The following FSIP1 variants were observed in gnomAD, a reference collection of about 807,000 sequenced individuals.
The protein encoded by FSIP1 is fibrous sheath-interacting protein 1.
Under a neutral mutation model 60.9 loss-of-function variants are expected in FSIP1, and 65 were observed. That is an observed-to-expected ratio of 1.07 (90% confidence interval 0.87 to 1.31). The LOEUF is 1.31. FSIP1 is among the 40% of genes most tolerant of loss of function. FSIP1 has a pLI of 0.00. For synonymous variants in FSIP1, 209 were observed against 221.2 expected, an observed-to-expected ratio of 0.94 and a Z score of 0.49; for missense variants, 675 against 665.5, an observed-to-expected ratio of 1.01 and a Z score of -0.16.
Position 39,737,027 on chromosome 15 carries a change from G to T in FSIP1, c.891+1064C>A, listed in dbSNP as rs143241893. 6.0e-3 allele frequency among the ~76,000 whole-genome samples: 920 copies of T among 152,272 alleles called. 13 individuals are homozygous for T. The highest frequency in any genetic ancestry group is 0.021 in the African/African-American group (877 of 41,534). ...GCGTGGATGCACAGACCAGTTTCAG[G>T]GAAAGGGGATATGGGCAGGGGGCCA... On this transcript the variant is annotated intron_variant, in intron 8 of 11. Coordinates refer to ENST00000350221, the MANE Select transcript of FSIP1 (RefSeq NM_152597.5).
chr15:39,602,296 T>C (rs1043483836), intron 11 of FSIP1: 2 of 455,930 alleles, frequency 4.4e-6, no homozygotes, highest in Non-Finnish European at 8.8e-6. Context: ...GGAATGCCCA[T>C]AGCCAGGAGA....
At chr15:39,713,745 G>T (rs973047706) in intron 9 of FSIP1, among the ~76,000 whole-genome samples, 164 bp from the exon 10 acceptor site, 1 of 152,112 alleles carries the variant, frequency 6.6e-6, no homozygotes, top group African/African-American at 2.4e-5. Flanking sequence ...CATTTTAGGA[G>T]GTAAATGTCC....
chr15:39,753,155 T>C (rs1033146273), intron 5 of FSIP1, among the ~76,000 whole-genome samples: 4 of 152,040 alleles, frequency 2.6e-5, no homozygotes, highest in South Asian at 2.1e-4. Context: ...TGAAATAGAA[T>C]AGCAAATATG....
At chr15:39,778,510 G>T (rs113062652) in intron 1 of FSIP1, among the ~76,000 whole-genome samples, 38 of 152,204 alleles carry the variant, frequency 2.5e-4, no homozygotes, top group Admixed American at 1.0e-3. Flanking sequence ...AAAAGGTATT[G>T]GTAAAGGGTA....
chr15:39,766,320 G>C (rs1000362953), intron 3 of FSIP1, among the ~76,000 whole-genome samples: 1 of 152,144 alleles, frequency 6.6e-6, no homozygotes, highest in African/African-American at 2.4e-5. Flanking sequence ...AAGTACAATT[G>C]ATAGTCACTT....
At chr15:39,699,142 G>A (rs991839969) in intron 10 of FSIP1, among the ~76,000 whole-genome samples, 15 of 152,144 alleles carry the variant, frequency 9.9e-5, no homozygotes, top group African/African-American at 2.4e-4. Context: ...GGAGACTTCT[G>A]CTTTTATCTG....
chr15:39,769,051 G>A (rs374852491), intron 3 of FSIP1, among the ~76,000 whole-genome samples: 30 of 152,158 alleles, frequency 2.0e-4, no homozygotes, highest in South Asian at 8.3e-4. Flanking sequence ...AGGCCGAGGC[G>A]GGCAGATCAC....
At chr15:39,646,944 T>TG (rs1892641081) in intron 10 of FSIP1, among the ~76,000 whole-genome samples, 2 of 152,196 alleles carry the variant, frequency 1.3e-5, no homozygotes, top group Non-Finnish European at 2.9e-5. Context: ...GATGACATTA[T>TG]GCTAAGTGAA....
chr15:39,692,901 C>T (rs1894661347), intron 10 of FSIP1, among the ~76,000 whole-genome samples: 3 of 152,214 alleles, frequency 2.0e-5, no homozygotes, highest in Admixed American at 6.5e-5. Context: ...CGTCAGCCCA[C>T]GCTACGCCTG....
chr15:39,662,061 A>T (rs547834736), intron 10 of FSIP1, among the ~76,000 whole-genome samples: 1 of 152,304 alleles, frequency 6.6e-6, no homozygotes, highest in South Asian at 2.1e-4. Context: ...GCAGGGCAGT[A>T]TCTAGTTTTC....
At chr15:39,641,233 G>GT (rs1421350151) in intron 10 of FSIP1, among the ~76,000 whole-genome samples, 4 of 151,906 alleles carry the variant, frequency 2.6e-5, no homozygotes, top group African/African-American at 9.7e-5. Context: ...AAAAAAAAAT[G>GT]TTTTTTTAAT....
At chr15:39,694,415 T>C (rs889858382) in intron 10 of FSIP1, among the ~76,000 whole-genome samples, 1 of 152,216 alleles carries the variant, frequency 6.6e-6, no homozygotes, top group South Asian at 2.1e-4. Flanking sequence ...AAGTCAACTT[T>C]TAAAAGACTC....
chr15:39,734,770 C>T (rs115619368), intron 8 of FSIP1, among the ~76,000 whole-genome samples: 2,075 of 151,754 alleles, frequency 0.014, 47 homozygotes, highest in African/African-American at 0.048. Context: ...AGTATGCGGT[C>T]GTAATGAATA....
chr15:39,773,726 A>C (rs893921664), intron 2 of FSIP1, among the ~76,000 whole-genome samples: 8 of 152,222 alleles, frequency 5.3e-5, no homozygotes, highest in Admixed American at 4.6e-4. Context: ...TGAATCTCAA[A>C]TGTATTAAGT....
intron 10 of FSIP1, among the ~76,000 whole-genome samples, chr15:39,700,119 T>C (rs2254947): frequency 0.81 from 124,066 of 152,234 alleles, 51,006 homozygotes; most frequent in Non-Finnish European, 0.87. Flanking sequence ...CTATGATTAA[T>C]TCATAAATGT....
Position 39,746,974 on chromosome 15 carries a change from A to C in FSIP1, c.560-5074T>G, listed in dbSNP as rs539334774. The stretch of plus-strand genomic sequence containing the variant: ...TAGACACATTAGTGATTTTCCTGTT[A>C]GACCCTAATGGTTTTCCTGTTTGGG... On this transcript the variant is annotated intron_variant, in intron 5 of 11. Coordinates refer to ENST00000350221, the MANE Select transcript of FSIP1 (RefSeq NM_152597.5). Among the ~76,000 whole-genome samples, 3 of 149,884 alleles carry C rather than the reference A, an allele frequency of 2.0e-5. No homozygotes were observed. The East Asian group carries it at 6.0e-4, about 30-fold the overall frequency.
At chr15:39,612,635 A>T (rs1891077249) in intron 11 of FSIP1, among the ~76,000 whole-genome samples, 1 of 152,174 alleles carries the variant, frequency 6.6e-6, no homozygotes, top group African/African-American at 2.4e-5. Flanking sequence ...AGAAAATAAC[A>T]AATATTAGAG....
intron 10 of FSIP1, among the ~76,000 whole-genome samples, chr15:39,689,932 C>G (rs1316267740): frequency 6.6e-6 from 1 of 152,168 alleles, no homozygotes; most frequent in Admixed American, 6.5e-5. Flanking sequence ...CATTCAAAAC[C>G]AGCCTTTTAG....
intron 9 of FSIP1, among the ~76,000 whole-genome samples, chr15:39,716,886 C>A (rs1290782593): frequency 7.4e-6 from 1 of 135,100 alleles, no homozygotes; most frequent in Non-Finnish European, 1.5e-5. Context: ...GCAATCCTGG[C>A]TCCCGGCAAC....
Sources: allele counts gnomAD v4.1 joint callset (sites outside exome capture counted in the v4.1 genomes callset), GRCh38; gene constraint gnomAD v4.1.1; transcripts MANE v1.5; gene names NCBI Gene and HGNC (gene_info 2026-07-23, HGNC 2026-07-21).